Variants in DENND5B observed in about 807,000 individuals in gnomAD.
DENND5B encodes the protein DENN domain-containing protein 5B.
A neutral mutation model predicts 140.6 loss-of-function variants in DENND5B; 34 were observed. The ratio of observed to expected loss-of-function variants is 0.24; its 90% confidence interval spans 0.18 to 0.32. The LOEUF (loss-of-function observed/expected upper bound fraction) is 0.32, where lower values mean the gene tolerates loss of function less well. Ranked by LOEUF, DENND5B falls within the 10% of genes least tolerant of loss-of-function variation. The pLI, the probability that DENND5B is intolerant of heterozygous loss-of-function variation, is 1.00. For synonymous variants in DENND5B, 551 were observed against 562.1 expected (o/e 0.98, Z 0.28); for missense variants, 1,142 against 1,560.2 (o/e 0.73, Z 4.52).
intron 1 of DENND5B, among the ~76,000 whole-genome samples, chr12:31,545,573 T>C (rs1008740890): frequency 4.6e-5 from 7 of 152,216 alleles, no homozygotes; most frequent in Admixed American, 4.6e-4. Context: ...TGTAATATTA[T>C]ACAGCCTCTA....
At position 31,545,117 on chromosome 12, in the gene DENND5B, T is replaced by G. The variant is rs75530859; in HGVS notation, c.127+45589A>C. Reference sequence around the variant, plus strand: ...AAAAGTCCTTATCAGAGCCAGAGCCTACATCCTTGGGATTTTATCCTGTGA... The same window carrying G: ...AAAAGTCCTTATCAGAGCCAGAGCCGACATCCTTGGGATTTTATCCTGTGA... On this transcript the variant is annotated intron_variant, in intron 1 of 20. Transcript: ENST00000389082. 8.6e-3 allele frequency among the ~76,000 whole-genome samples: 1,307 copies of G among 152,288 alleles called. 11 individuals carry two copies. The highest frequency in any genetic ancestry group is 0.037 in the Middle Eastern group (11 of 294).
intron 2 of DENND5B, among the ~76,000 whole-genome samples, chr12:31,492,593 A>G (rs968829659): frequency 1.3e-5 from 2 of 152,344 alleles, no homozygotes; most frequent in African/African-American, 4.8e-5. Flanking sequence ...AGAATAAGTT[A>G]TATTTTGAAA....
At chr12:31,400,484 A>T (rs1202691685) in intron 15 of DENND5B, among the ~76,000 whole-genome samples, 1 of 152,236 alleles carries the variant, frequency 6.6e-6, no homozygotes, top group African/African-American at 2.4e-5. Flanking sequence ...TGACTTCTAA[A>T]ATCTGATAAT....
intron 17 of DENND5B, among the ~76,000 whole-genome samples, chr12:31,395,207 T>A (rs1305712399): frequency 6.6e-6 from 1 of 152,218 alleles, no homozygotes. Flanking sequence ...TGTGCATGTA[T>A]CTTTATAAAT....
intron 9 of DENND5B, among the ~76,000 whole-genome samples, chr12:31,424,941 G>A (rs891311198): frequency 2.6e-5 from 4 of 152,302 alleles, no homozygotes; most frequent in African/African-American, 9.6e-5. Context: ...GCATCCCCAT[G>A]TTGAAAAGAT....
intron 1 of DENND5B, among the ~76,000 whole-genome samples, chr12:31,576,156 A>AAAAGAAG (rs1555176281): frequency 7.6e-6 from 1 of 131,184 alleles, no homozygotes; most frequent in African/African-American, 2.9e-5. Flanking sequence ...AAAAAAAAAA[A>AAAAGAAG]AAGAAGAATG....
intron 2 of DENND5B, among the ~76,000 whole-genome samples, chr12:31,492,850 C>G (rs1241431648): frequency 1.3e-5 from 2 of 152,152 alleles, no homozygotes; most frequent in Non-Finnish European, 2.9e-5. Flanking sequence ...AGAGTCTTCA[C>G]CAAAGATGAC....
intron 1 of DENND5B, among the ~76,000 whole-genome samples, chr12:31,500,062 C>A (rs1750530601): frequency 6.6e-6 from 1 of 152,168 alleles, no homozygotes; most frequent in Admixed American, 6.5e-5. Context: ...TTTTGGATTT[C>A]TGACTGTTTC....
At chr12:31,547,930 TC>T (rs1200462378) in intron 1 of DENND5B, among the ~76,000 whole-genome samples, 1 of 151,918 alleles carries the variant, frequency 6.6e-6, no homozygotes, top group East Asian at 1.9e-4. Context: ...GGTCTCAAAC[TC>T]CTGACCTCAG....
chr12:31,532,519 A>G (rs1209820009), intron 1 of DENND5B, among the ~76,000 whole-genome samples: 1 of 152,208 alleles, frequency 6.6e-6, no homozygotes, highest in Non-Finnish European at 1.5e-5. Flanking sequence ...TGGCTTCACT[A>G]TGGAGAACAC....
intron 3 of DENND5B, chr12:31,465,037 T>C (rs1945194835): frequency 6.6e-6 from 1 of 152,208 alleles, no homozygotes; most frequent in African/African-American, 2.4e-5. Context: ...AATAAAAACA[T>C]ACTGTCAAAA....
At chr12:31,571,099 G>C (rs1949807360) in intron 1 of DENND5B, among the ~76,000 whole-genome samples, 1 of 151,164 alleles carries the variant, frequency 6.6e-6, no homozygotes, top group Non-Finnish European at 1.5e-5. Flanking sequence ...AGACAGGAAA[G>C]GAGCTGTGAA....
At chr12:31,564,977 G>A (rs1949580377) in intron 1 of DENND5B, among the ~76,000 whole-genome samples, 1 of 152,142 alleles carries the variant, frequency 6.6e-6, no homozygotes, top group Non-Finnish European at 1.5e-5. Flanking sequence ...TATTGCTTTA[G>A]TATGCTCTAC....
intron 14 of DENND5B, among the ~76,000 whole-genome samples, chr12:31,408,151 C>A (rs934610770): frequency 6.6e-6 from 1 of 150,950 alleles, no homozygotes; most frequent in Non-Finnish European, 1.5e-5. Flanking sequence ...CAAAAATTAG[C>A]CGGGCATGGT....
chr12:31,511,680 A>G (rs1947423240), intron 1 of DENND5B, among the ~76,000 whole-genome samples: 1 of 152,074 alleles, frequency 6.6e-6, no homozygotes, highest in Admixed American at 6.6e-5. Flanking sequence ...TAAGCTCTTC[A>G]ACACATTATT....
At chr12:31,539,868 T>G (rs1369086052) in intron 1 of DENND5B, among the ~76,000 whole-genome samples, 5 of 151,562 alleles carry the variant, frequency 3.3e-5, no homozygotes, top group Non-Finnish European at 7.4e-5. Context: ...GTACTAGAAG[T>G]CCTAGCTAGA....
chr12:31,451,312 T>C (rs938760693), intron 5 of DENND5B, among the ~76,000 whole-genome samples: 1 of 152,054 alleles, frequency 6.6e-6, no homozygotes. Context: ...AGAGTTTCTA[T>C]AAATTTTTAT....
intron 1 of DENND5B, among the ~76,000 whole-genome samples, chr12:31,564,648 G>A (rs1350293679): frequency 6.6e-6 from 1 of 151,180 alleles, no homozygotes; most frequent in African/African-American, 2.4e-5. Context: ...GAGAGCAGTG[G>A]CGAGATCTCT....
intron 4 of DENND5B, among the ~76,000 whole-genome samples, chr12:31,454,736 C>T (rs1451838398): frequency 6.6e-6 from 1 of 151,644 alleles, no homozygotes; most frequent in Non-Finnish European, 1.5e-5. Context: ...AGCCACTGCG[C>T]CTGGCCGGCC....
Sources: gnomAD v4.1 joint callset for allele counts (sites outside exome capture counted in the v4.1 genomes callset) on GRCh38, gnomAD v4.1.1 for gene constraint, MANE v1.5 for transcripts, NCBI Gene and HGNC (gene_info 2026-07-23, HGNC 2026-07-21) for gene names.